Variants in TFAP2E observed in about 807,000 individuals in gnomAD.
TFAP2E encodes transcription factor AP-2 epsilon, also known as transcription factor AP-2-epsilon.
A neutral mutation model predicts 37.9 loss-of-function variants in TFAP2E; 30 were observed. The ratio of observed to expected loss-of-function variants is 0.79; its 90% CI spans 0.59 to 1.07. TFAP2E has a LOEUF of 1.07. TFAP2E is among the 50% of genes least tolerant of loss of function. The pLI, the probability that TFAP2E is intolerant of heterozygous loss-of-function variation, is 0.00. For missense variants in TFAP2E, 567 were observed against 637.9 expected, an observed-to-expected ratio of 0.89 and a Z score of 1.20; for synonymous variants, 318 against 295.8, an observed-to-expected ratio of 1.08 and a Z score of -0.77.
Position 35,588,550 on chromosome 1 carries a change from CAGGT to C in TFAP2E, c.785+2_785+5del, listed in dbSNP as rs754627040. On this transcript the variant is annotated splice_donor_variant and coding_sequence_variant, in exon 4 of 7. Coordinates refer to ENST00000373235, the MANE Select transcript of TFAP2E (RefSeq NM_178548.4). LOFTEE classifies it high-confidence loss of function. This position sits in a 1 kb window ranked among gnomAD's most constrained non-coding sequence, Gnocchi z 5.1. The stretch of plus-strand genomic sequence containing the variant: ...CCTCCCTCCTGGGGGGTGTCCTCCG[CAGGT>C]AGGAAGGCCAGCCCACAATTCCCCG... The C allele has an allele frequency of 6.4e-7, 1 of 1,573,014 alleles. No individual in the cohort carries two copies. Among genetic ancestry groups the C allele is most frequent in the Non-Finnish European group, 8.6e-7 (1 of 1,157,154 alleles).
chr1:35,593,776 G>T (rs565729178), intron 6 of TFAP2E, among the ~76,000 whole-genome samples: 1 of 152,296 alleles, frequency 6.6e-6, no homozygotes, highest in African/African-American at 2.4e-5. Context: ...CCACACACAG[G>T]ACGCACAAAG....
chr1:35,586,665 ATGTGGTGATGGATGGGG>A (rs982484852), intron 3 of TFAP2E, among the ~76,000 whole-genome samples: 4 of 151,890 alleles, frequency 2.6e-5, no homozygotes, highest in Non-Finnish European at 5.9e-5. Context: ...GATGGATGGG[ATGTGGTGATGGATGGGG>A]TGTGGTGATG....
chr1:35,587,653 A>AAAAAAAAGAAAG (rs796133136), intron 3 of TFAP2E, among the ~76,000 whole-genome samples: 2 of 147,784 alleles, frequency 1.4e-5, no homozygotes, highest in East Asian at 2.0e-4. Context: ...AAAAAAAAAA[A>AAAAAAAAGAAAG]AAAGAAAGAA....
chr1:35,586,718 T>TGCAGAGGGTATCACAGAG (rs1553121882), intron 3 of TFAP2E, among the ~76,000 whole-genome samples: 1 of 151,986 alleles, frequency 6.6e-6, no homozygotes, highest in Non-Finnish European at 1.5e-5. Context: ...GGGAGAGGGT[T>TGCAGAGGGTATCACAGAG]GCAGAGGGTA....
intron 3 of TFAP2E, among the ~76,000 whole-genome samples, chr1:35,578,920 TAA>T (rs1287926656): frequency 6.7e-6 from 1 of 149,282 alleles, no homozygotes; most frequent in Non-Finnish European, 1.5e-5. Context: ...CCATCTCTAC[TAA>T]AAATACAAAA....
At chr1:35,593,891 A>G (rs1649755604) in intron 6 of TFAP2E, among the ~76,000 whole-genome samples, 1 of 152,238 alleles carries the variant, frequency 6.6e-6, no homozygotes, top group African/African-American at 2.4e-5. Context: ...TGTCCGTATG[A>G]TGGGGATAAT....
intron 3 of TFAP2E, among the ~76,000 whole-genome samples, chr1:35,580,865 C>T (rs1054818800): frequency 2.0e-5 from 3 of 151,928 alleles, no homozygotes; most frequent in Non-Finnish European, 2.9e-5. Context: ...CATTTTTTAA[C>T]GATTTTTTGA....
At chr1:35,581,885 TATTGTTTTGAGATGG>T (rs1320201252) in intron 3 of TFAP2E, among the ~76,000 whole-genome samples, 79 of 151,514 alleles carry the variant, frequency 5.2e-4, no homozygotes, top group African/African-American at 1.9e-3. Flanking sequence ...TTTATTTATT[TATTGTTTTGAGATGG>T]ATTGTCTCTC....
chr1:35,578,621 A>G (rs1183497514), intron 3 of TFAP2E, among the ~76,000 whole-genome samples: 1 of 152,106 alleles, frequency 6.6e-6, no homozygotes, highest in Non-Finnish European at 1.5e-5. Flanking sequence ...TCTCTAGGAC[A>G]GGAGCTGATG....
intron 3 of TFAP2E, among the ~76,000 whole-genome samples, chr1:35,580,643 C>T (rs1044587816): frequency 4.6e-5 from 7 of 151,590 alleles, no homozygotes; most frequent in African/African-American, 9.7e-5. Context: ...GGCGTGGTGG[C>T]GGGCGCCTGT....
rs563127477 is a variant in TFAP2E, at chr1:35,574,717, T to G, written c.511-232T>G. ...CCTGCACCTGGGGCGAAGAGAAGCA[T>G]AATAGTTACCAGTGTAAGATTCAAA... On this transcript the variant is annotated intron_variant, in intron 2 of 6. Coordinates refer to ENST00000373235, the MANE Select transcript of TFAP2E (RefSeq NM_178548.4). 145 of 647,776 alleles carry G rather than the reference T, an allele frequency of 2.2e-4. 2 individuals carry two copies. In the South Asian group the frequency reaches 2.8e-3, roughly 13 times the overall value. 40.1% of individuals were successfully genotyped at this position (647,776 alleles called of 1,614,324 possible). A position where few individuals can be genotyped will look rare whatever the true frequency, so the allele number is the denominator to read the frequency against.
chr1:35,574,114 C>G lies in TFAP2E; in HGVS notation c.215C>G (p.Ala72Gly), dbSNP rs770636006. ...CTGCCCTACGGTCAGGCGCCCGACG[C>G]CGCCGCAGCCTTTCCCCACCTGGCA... Reference protein sequence around the residue: ...PPLPYGQAPDAAAAFPHLAGD... With the variant: ...PPLPYGQAPDGAAAFPHLAGD... Residue 72 changes from alanine to glycine, a missense_variant, in exon 2 of 7, where the codon GCC (alanine) becomes GGC (glycine). Ala to Gly is a moderately conservative substitution (Grantham distance 60, BLOSUM62 0). Transcript: ENST00000373235. The G allele has an allele frequency of 6.9e-7, 1 of 1,459,676 alleles. No individual in the cohort carries two copies. Among genetic ancestry groups the G allele is most frequent in the South Asian group, 1.3e-5 (1 of 79,312 alleles). The allele number at this position is 1,459,676 out of a possible 1,614,324, so 90.4% of individuals were successfully genotyped here. A position where few individuals can be genotyped will look rare whatever the true frequency, so the allele number is the denominator to read the frequency against.
rs371538469 is a variant in TFAP2E, at chr1:35,589,007, G to C, written c.785+455G>C. 1.8e-4 allele frequency among the ~76,000 whole-genome samples: 28 copies of C among 152,244 alleles called. No homozygotes were observed. The East Asian group carries it at 1.9e-3, about 11-fold the overall frequency. On this transcript the variant is annotated intron_variant, in intron 4 of 6. Coordinates refer to ENST00000373235, the MANE Select transcript of TFAP2E (RefSeq NM_178548.4). ...TCTCTCTCTCTCTGTGCATGTCTTTGTGCCTGGGAAGGGTATTTCTGCTTC... is the reference window on the plus strand; with the variant it reads ...TCTCTCTCTCTCTGTGCATGTCTTTCTGCCTGGGAAGGGTATTTCTGCTTC...
At position 35,573,628 on chromosome 1, in the gene TFAP2E, A is replaced by T. The variant is rs1333128725; in HGVS notation, c.27+24A>T. 7.2e-6 allele frequency: 11 copies of T among 1,538,438 alleles called. No homozygotes were observed. Among genetic ancestry groups the T allele is most frequent in the Non-Finnish European group, 9.6e-6 (11 of 1,142,580 alleles). ...TGGTGAGTAGTCTCGGGCCCGGGAC[A>T]TATTCGGCCGGGGGATCGGGGCGCC... On this transcript the variant is annotated intron_variant, in intron 1 of 6. Coordinates refer to ENST00000373235, the MANE Select transcript of TFAP2E (RefSeq NM_178548.4). This position sits in a 1 kb window ranked among gnomAD's most constrained non-coding sequence, Gnocchi z 5.9.
At position 35,574,151 on chromosome 1, in the gene TFAP2E, T is replaced by A; in HGVS notation, c.252T>A (p.Tyr84Ter). 7.0e-7 allele frequency: 1 copy of A among 1,435,984 alleles called. No homozygotes were observed. The highest frequency in any genetic ancestry group is 3.4e-5 in the East Asian group (1 of 29,666). The allele number at this position is 1,435,984 out of a possible 1,614,324, so 89.0% of individuals were successfully genotyped here. A position where few individuals can be genotyped will look rare whatever the true frequency, so the allele number is the denominator to read the frequency against. ...AAFPHLAGDP[Y>*]GGLAPLAQPQ... ...TTCCCCACCTGGCAGGGGACCCATATGGCGGCCTGGCGCCCCTGGCGCAGC... is the reference window on the plus strand; with the variant it reads ...TTCCCCACCTGGCAGGGGACCCATAAGGCGGCCTGGCGCCCCTGGCGCAGC... Residue 84 changes from tyrosine to a stop codon, truncating the protein, a stop_gained, in exon 2 of 7, where the codon TAT becomes TAA. Coordinates refer to ENST00000373235, the MANE Select transcript of TFAP2E (RefSeq NM_178548.4). LOFTEE classifies it high-confidence loss of function.
At position 35,590,437 on chromosome 1, in the gene TFAP2E, G is replaced by T. The variant is rs1258737553; in HGVS notation, c.905-197G>T. The stretch of plus-strand genomic sequence containing the variant: ...TGGTGGGCCCAGCTCCCATCTCTGA[G>T]CTCAGAGCCCAACCCTAATGGCCCC... On this transcript the variant is annotated intron_variant, in intron 5 of 6. Transcript: ENST00000373235. This position sits in a 1 kb window ranked among gnomAD's most constrained non-coding sequence, Gnocchi z 6.2. Among the ~76,000 whole-genome samples the T allele has an allele frequency of 6.6e-6, 1 of 152,064 alleles. No homozygotes were observed. Among genetic ancestry groups the T allele is most frequent in the Non-Finnish European group, 1.5e-5 (1 of 67,994 alleles).
In TFAP2E at chr1:35,577,070, C is replaced by G. The variant is rs1649199902; in HGVS notation, c.562+2070C>G. Reference sequence around the variant, plus strand: ...CCAGCGGGTCTGTGGCCCAGTGGAGCGAGTGGAGCGCTGGCGACCTGAGCG... The same window carrying G: ...CCAGCGGGTCTGTGGCCCAGTGGAGGGAGTGGAGCGCTGGCGACCTGAGCG... On this transcript the variant is annotated intron_variant, in intron 3 of 6. Coordinates refer to ENST00000373235, the MANE Select transcript of TFAP2E (RefSeq NM_178548.4). This position sits in a 1 kb window ranked among gnomAD's most constrained non-coding sequence, Gnocchi z 6.3. Among the ~76,000 whole-genome samples, 7 of 152,228 alleles carry G rather than the reference C, an allele frequency of 4.6e-5. No homozygotes were observed. The South Asian group carries it at 1.4e-3, about 32-fold the overall frequency.
At chr1:35,574,575 G>A (rs1649114142) in intron 2 of TFAP2E, 166 bp downstream of exon 2, 3 of 1,208,666 alleles carry the variant, frequency 2.5e-6, no homozygotes, top group South Asian at 1.8e-5. Flanking sequence ...GACGTTGCCT[G>A]GCCATCAAGG....
chr1:35,594,487 G>C lies in TFAP2E; in HGVS notation c.1140G>C (p.Gln380His), dbSNP rs774487948. Residue 380 changes from glutamine (Q) to histidine (H), a missense_variant, in exon 7 of 7, where the codon CAG becomes CAC. Coordinates refer to ENST00000373235, the MANE Select transcript of TFAP2E (RefSeq NM_178548.4). ...RPALILEPGV[Q>H]SCLTHFSLIT... Reference sequence around the variant, plus strand: ...CACTCATCCTGGAGCCCGGAGTACAGAGCTGCTTGACACACTTTAGCCTCA... The same window carrying C: ...CACTCATCCTGGAGCCCGGAGTACACAGCTGCTTGACACACTTTAGCCTCA... 4 of 1,614,212 alleles carry C rather than the reference G, an allele frequency of 2.5e-6. No individual in the cohort carries two copies. The highest frequency in any genetic ancestry group is 3.4e-6 in the Non-Finnish European group (4 of 1,180,040).
Sources: gnomAD v4.1 joint callset for allele counts (sites outside exome capture counted in the v4.1 genomes callset) on GRCh38, gnomAD v4.1.1 for gene constraint, Gnocchi (gnomAD v3.1) non-coding constraint, MANE v1.5 for transcripts, NCBI Gene and HGNC (gene_info 2026-07-23, HGNC 2026-07-21) for gene names.